The following ZNF385D variants were observed in gnomAD, a reference collection of about 807,000 sequenced individuals.
The protein encoded by ZNF385D is zinc finger protein 659.
Under a neutral mutation model 35.8 loss-of-function variants are expected in ZNF385D, and 15 were observed. That is an observed-to-expected ratio of 0.42 (90% CI 0.28 to 0.64). The LOEUF (loss-of-function observed/expected upper bound fraction) is 0.64, where lower values mean the gene tolerates loss of function less well. ZNF385D is among the 30% of genes least tolerant of loss of function. ZNF385D has a pLI of 0.23. For missense variants in ZNF385D, 474 were observed against 494.6 expected (o/e 0.96, Z 0.39); for synonymous variants, 212 against 186.8 (o/e 1.13, Z -1.10).
At chr3:21,904,490 T>C (rs1286549534) in intron 3 of ZNF385D, among the ~76,000 whole-genome samples, 1 of 152,136 alleles carries the variant, frequency 6.6e-6, no homozygotes, top group Non-Finnish European at 1.5e-5. Context: ...ATATCATACA[T>C]ACTGAGATAC....
chr3:22,190,957 A>C (rs949778798), intron 2 of ZNF385D, among the ~76,000 whole-genome samples: 1 of 152,188 alleles, frequency 6.6e-6, no homozygotes, highest in Non-Finnish European at 1.5e-5. Context: ...AGTCATATTC[A>C]AACAAGTTTT....
At chr3:21,718,156 A>T (rs539534910) in intron 1 of ZNF385D, among the ~76,000 whole-genome samples, 50 of 152,208 alleles carry the variant, frequency 3.3e-4, no homozygotes, top group Admixed American at 1.0e-3. Flanking sequence ...CCACAAATGA[A>T]TCTACATGAT....
chr3:22,228,372 C>A (rs563250706), intron 2 of ZNF385D, among the ~76,000 whole-genome samples: 1 of 152,172 alleles, frequency 6.6e-6, no homozygotes, highest in African/African-American at 2.4e-5. Context: ...CCCCTACCAA[C>A]CCCCCATGCA....
intron 2 of ZNF385D, among the ~76,000 whole-genome samples, chr3:22,306,847 A>T (rs77343199): frequency 1.3e-5 from 2 of 152,154 alleles, no homozygotes; most frequent in African/African-American, 4.8e-5. Context: ...TAAATGTTAG[A>T]TATTATATCC....
At position 21,726,128 on chromosome 3, in the gene ZNF385D, C is replaced by G. The variant is rs190078278; in HGVS notation, c.22+24767G>C. On this transcript the variant is annotated intron_variant, in intron 1 of 7. Transcript: ENST00000281523. ...GAAGGCCTTCGACAAAATTCAACAC[C>G]CCTTCATGCTAAAAACTCTCAATAA... Among the ~76,000 whole-genome samples the G allele has an allele frequency of 9.2e-5, 14 of 152,114 alleles. No individual in the cohort carries two copies. The East Asian group carries it at 2.1e-3, about 23-fold the overall frequency.
In ZNF385D at chr3:22,231,448, G is replaced by A. The variant is rs548465110; in HGVS notation, c.107-62413C>T. On this transcript the variant is annotated intron_variant, in intron 2 of 5. Coordinates refer to the ZNF385D transcript ENST00000494108. Reference sequence around the variant, plus strand: ...CTGCCTCGCTCAAGTTAGTTTACTGGGTGTCTTGAATCCTTGACCTGACAA... The same window carrying A: ...CTGCCTCGCTCAAGTTAGTTTACTGAGTGTCTTGAATCCTTGACCTGACAA... Among the ~76,000 whole-genome samples the A allele has an allele frequency of 5.3e-5, 8 of 152,178 alleles. No individual in the cohort carries two copies. In the South Asian group the frequency reaches 1.7e-3, roughly 32 times the overall value.
chr3:21,483,758 T>G (rs577540926), intron 4 of ZNF385D, among the ~76,000 whole-genome samples: 83 of 152,332 alleles, frequency 5.4e-4, no homozygotes, highest in African/African-American at 1.9e-3. Context: ...GTCTATTTTC[T>G]AAGTGGATTA....
At chr3:21,752,862 A>G (rs114024386), upstream of ZNF385D, among the ~76,000 whole-genome samples, 1,900 of 152,344 alleles carry the variant, frequency 0.012, 25 homozygotes, top group Non-Finnish European at 0.018. Context: ...GTCCAAAAGT[A>G]CAATTAGTAG....
chr3:22,299,591 A>C (rs372859003), intron 2 of ZNF385D, among the ~76,000 whole-genome samples: 1 of 151,938 alleles, frequency 6.6e-6, no homozygotes, highest in African/African-American at 2.4e-5. Flanking sequence ...CTTCACTAGA[A>C]AACTGTTAGA....
At chr3:21,812,415 G>T (rs1305705909) in intron 3 of ZNF385D, among the ~76,000 whole-genome samples, 1 of 152,250 alleles carries the variant, frequency 6.6e-6, no homozygotes, top group Non-Finnish European at 1.5e-5. Flanking sequence ...CACCTCAGAA[G>T]TGCAAGAGGT....
At chr3:21,672,007 G>A (rs2066591301) in intron 1 of ZNF385D, among the ~76,000 whole-genome samples, 1 of 152,016 alleles carries the variant, frequency 6.6e-6, no homozygotes, top group African/African-American at 2.4e-5. Flanking sequence ...ACATTCCCTT[G>A]CATGTCTGCC....
chr3:21,628,435 A>AT (rs1311106523), intron 2 of ZNF385D, among the ~76,000 whole-genome samples: 1 of 151,996 alleles, frequency 6.6e-6, no homozygotes, highest in East Asian at 1.9e-4. Flanking sequence ...TAGGCAAGTC[A>AT]TTTTTATTCA....
chr3:22,119,004 C>G (rs1173589716), intron 3 of ZNF385D, among the ~76,000 whole-genome samples: 4 of 151,988 alleles, frequency 2.6e-5, no homozygotes, highest in Non-Finnish European at 5.9e-5. Flanking sequence ...TGCTATTGTA[C>G]TGTTTTTTCA....
At chr3:22,325,175 C>G (rs1694620501) in intron 2 of ZNF385D, among the ~76,000 whole-genome samples, 3 of 152,062 alleles carry the variant, frequency 2.0e-5, no homozygotes, top group African/African-American at 7.2e-5. Flanking sequence ...AAAGGAAGTC[C>G]AGGTGTTTTG....
At chr3:22,145,629 G>C (rs528624469) in intron 3 of ZNF385D, among the ~76,000 whole-genome samples, 1 of 152,320 alleles carries the variant, frequency 6.6e-6, no homozygotes, top group East Asian at 1.9e-4. Context: ...ATGCGATTTT[G>C]GGGTTTTGAG....
intron 1 of ZNF385D, among the ~76,000 whole-genome samples, chr3:21,684,410 T>TCTC: frequency 1.3e-5 from 1 of 76,116 alleles, no homozygotes; most frequent in African/African-American, 4.5e-5. Context: ...CTCTCCTCTC[T>TCTC]CTCTCTCTCT....
At position 21,769,868 on chromosome 3, in the gene ZNF385D, G is replaced by A. The variant is rs528428390; in HGVS notation, c.326-104840C>T. Among the ~76,000 whole-genome samples, 10 of 151,284 alleles carry A rather than the reference G, an allele frequency of 6.6e-5. No individual in the cohort carries two copies. In the South Asian group the frequency reaches 2.1e-3, roughly 32 times the overall value. On this transcript the variant is annotated intron_variant, in intron 3 of 5. Coordinates refer to the ZNF385D transcript ENST00000494108. ...AAGGCTATAGTAACCAAAACAGCAT[G>A]GTACTGGTACCAAAACAGAGATATA...
rs773661963 is a variant in ZNF385D at position 21,421,268 on chromosome 3, T to C, written c.1134A>G (p.Pro378=). The change falls in exon 8 of 8, where the codon CCA becomes CCG. Residue 378 remains proline, a synonymous_variant. Coordinates refer to ENST00000281523, the MANE Select transcript of ZNF385D (RefSeq NM_024697.3). Reference sequence around the variant, plus strand: ...GGGCGGTCCGAATGGGTCCAGGAGCTGGCCGCAGGAGTGCCGGAGGAAGCG... The same window carrying C: ...GGGCGGTCCGAATGGGTCCAGGAGCCGGCCGCAGGAGTGCCGGAGGAAGCG... ...TSALPPALLR[P]APGPIRTAHT... is the part of the protein sequence containing the mutation. The C allele has an allele frequency of 5.6e-6, 9 of 1,614,154 alleles. No homozygotes were observed. The highest frequency in any genetic ancestry group is 1.7e-5 in the Admixed American group (1 of 60,014).
At chr3:21,691,326 T>G (rs1315967937) in intron 1 of ZNF385D, among the ~76,000 whole-genome samples, 1 of 152,174 alleles carries the variant, frequency 6.6e-6, no homozygotes, top group Admixed American at 6.5e-5. Flanking sequence ...CTTGGCAATT[T>G]TTTTATTCTT....
Sources: gnomAD v4.1 joint callset for allele counts (sites outside exome capture counted in the v4.1 genomes callset) on GRCh38, gnomAD v4.1.1 for gene constraint, MANE v1.5 for transcripts, NCBI Gene and HGNC (gene_info 2026-07-23, HGNC 2026-07-21) for gene names.